UPF2: variants seen among roughly 807,000 people sequenced by gnomAD.
UPF2 encodes the protein UPF2 regulator of nonsense mediated mRNA decay, also known as regulator of nonsense transcripts 2.
UPF2 carries 17 observed loss-of-function variants against 141.4 expected under a neutral mutation model. That is an observed-to-expected ratio of 0.12 (90% CI 0.08 to 0.18). UPF2 has a LOEUF of 0.18. Ranked by LOEUF, UPF2 falls within the 10% of genes least tolerant of loss-of-function variation. The pLI is 1.00. For synonymous variants in UPF2, 540 were observed against 498.0 expected (o/e 1.08, Z -1.12); for missense variants, 1,152 against 1,515.9 (o/e 0.76, Z 3.99).
chr10:11,929,568 G>C (rs1332586397), intron 21 of UPF2, among the ~76,000 whole-genome samples: 1 of 152,002 alleles, frequency 6.6e-6, no homozygotes, highest in Non-Finnish European at 1.5e-5. Flanking sequence ...GCCCAGGAGG[G>C]TGAGGCTGTA....
chr10:11,994,144 GAATA>G (rs1325448513), intron 8 of UPF2, among the ~76,000 whole-genome samples: 1 of 152,010 alleles, frequency 6.6e-6, no homozygotes, highest in Non-Finnish European at 1.5e-5. Flanking sequence ...TCATTAAAGA[GAATA>G]AATAATAAAT....
At chr10:11,982,528 C>T (rs1833616052) in intron 8 of UPF2, among the ~76,000 whole-genome samples, 1 of 152,342 alleles carries the variant, frequency 6.6e-6, no homozygotes, top group South Asian at 2.1e-4. Context: ...TGTTTACTCC[C>T]TCCCTAAAGG....
intron 9 of UPF2, 32 bp from the exon 10 acceptor site, chr10:11,967,486 A>C: frequency 7.6e-7 from 1 of 1,318,224 alleles, no homozygotes; most frequent in South Asian, 1.4e-5. Context: ...ATAATGCTTA[A>C]TCAACATTTT....
rs141275078 is a variant in UPF2 at position 12,000,396 on chromosome 10, G to C, written c.1655-387C>G. On this transcript the variant is annotated intron_variant, in intron 6 of 21. Coordinates refer to ENST00000357604, the MANE Select transcript of UPF2 (RefSeq NM_015542.4). ...CCCTATTTCATGTAATTCTAAGGAGGGTGGCTGGTTTACATAGAGAAAGAA... is the reference window on the plus strand; with the variant it reads ...CCCTATTTCATGTAATTCTAAGGAGCGTGGCTGGTTTACATAGAGAAAGAA... Among the ~76,000 whole-genome samples, 183 of 152,216 alleles carry C rather than the reference G, an allele frequency of 1.2e-3. 1 individual carries two copies. The highest frequency in any genetic ancestry group is 1.9e-3 in the Non-Finnish European group (131 of 68,010).
chr10:12,041,386 C>T (rs1834731489), intron 1 of UPF2, among the ~76,000 whole-genome samples: 1 of 152,160 alleles, frequency 6.6e-6, no homozygotes, highest in South Asian at 2.1e-4. Context: ...TTAAAACCAC[C>T]TTCCTAGCTC....
rs752772818 is a variant in UPF2 at position 11,921,010 on chromosome 10, T to A, written c.*288A>T. ...TCTCCTTGGTGTAACTGCTCAGTAG[T>A]CAAGTGAACCATCTCATTTCTTGAC... On this transcript the variant is annotated 3_prime_UTR_variant, in exon 22 of 22. Transcript: ENST00000357604. The surrounding 1 kb of genome is among the most constrained non-coding windows in gnomAD (Gnocchi z 5.9). 1.5e-6 allele frequency: 1 copy of A among 659,832 alleles called. No homozygotes were observed. Among genetic ancestry groups the A allele is most frequent in the Non-Finnish European group, 2.9e-6 (1 of 342,106 alleles). The allele number at this position is 659,832 out of a possible 1,614,324, so 40.9% of individuals were successfully genotyped here.
At chr10:11,972,081 AAC>A (rs1554778301) in intron 9 of UPF2, among the ~76,000 whole-genome samples, 2 of 146,414 alleles carry the variant, frequency 1.4e-5, no homozygotes, top group African/African-American at 2.6e-5. Context: ...AAAAAAAAAA[AAC>A]ACACAAAAAA....
intron 8 of UPF2, among the ~76,000 whole-genome samples, chr10:11,991,626 G>C (rs186210384): frequency 6.6e-6 from 1 of 150,924 alleles, no homozygotes; most frequent in Non-Finnish European, 1.5e-5. Flanking sequence ...AATTTTAAGA[G>C]AGGAAAAAAA....
intron 9 of UPF2, among the ~76,000 whole-genome samples, chr10:11,972,739 T>C (rs1194321141): frequency 1.3e-5 from 2 of 152,226 alleles, no homozygotes; most frequent in East Asian, 1.9e-4. Flanking sequence ...TGCATAGTAT[T>C]CCATGGTGTA....
At position 11,930,005 on chromosome 10, in the gene UPF2, A is replaced by C; in HGVS notation, c.3689-20T>G. The C allele has an allele frequency of 6.2e-7, 1 of 1,614,054 alleles. No homozygotes were observed. Among genetic ancestry groups the C allele is most frequent in the Non-Finnish European group, 8.5e-7 (1 of 1,179,922 alleles). On this transcript the variant is annotated intron_variant, in intron 20 of 21. Coordinates refer to ENST00000357604, the MANE Select transcript of UPF2 (RefSeq NM_015542.4). ...ACATTTCTGTAATTAGGAGCAAAAA[A>C]AGAGAATGCTGTTAACTCTTAGAAA...
At chr10:12,034,700 G>A (rs1486278915) in intron 2 of UPF2, among the ~76,000 whole-genome samples, 1 of 152,012 alleles carries the variant, frequency 6.6e-6, no homozygotes, top group African/African-American at 2.4e-5. Flanking sequence ...AGCTACTCGG[G>A]AGGCTGAGGC....
intron 19 of UPF2, among the ~76,000 whole-genome samples, chr10:11,934,888 A>T (rs1276637446): frequency 2.6e-5 from 4 of 151,972 alleles, no homozygotes; most frequent in South Asian, 2.1e-4. Flanking sequence ...ATGCCCGGCC[A>T]CACACCACAA....
chr10:11,979,139 C>T lies in UPF2; in HGVS notation c.1871G>A (p.Arg624Lys). ...QRLDLLPFYA[R>K]LVATLHPCMS... ...GCAGGGATGCAATGTAGCAACCAAT[C>T]TTGCATAAAATGGTAGCAAATCCAA... The change falls in exon 9 of 22, where the codon AGA becomes AAA. Residue 624 changes from arginine to lysine, a missense_variant. Arg to Lys is a conservative substitution (Grantham distance 26). Around this residue, in one of 4 missense-constraint regions of UPF2, gnomAD observed 739 missense variants for 1,032.2 expected, o/e 0.72. Transcript: ENST00000357604. The surrounding 1 kb of genome is among the most constrained non-coding windows in gnomAD (Gnocchi z 6.2). The T allele has an allele frequency of 6.2e-7, 1 of 1,613,236 alleles. No individual in the cohort carries two copies. Among genetic ancestry groups the T allele is most frequent in the Non-Finnish European group, 8.5e-7 (1 of 1,179,444 alleles).
rs183066372 is a variant in UPF2, at chr10:12,029,609, A to G, written c.366-85T>C. On this transcript the variant is annotated intron_variant, in intron 2 of 21. Transcript: ENST00000357604. ...ATCCCCTAAGAGTAAAAAGCCAATG[A>G]AAAAAATTATCTAAGTATAACAATC... 335 of 1,384,926 alleles carry G rather than the reference A, an allele frequency of 2.4e-4. No individual in the cohort carries two copies. The African/African-American group carries it at 4.2e-3, about 17-fold the overall frequency. The allele number at this position is 1,384,926 out of a possible 1,614,324, so 85.8% of individuals were successfully genotyped here.
At position 11,952,113 on chromosome 10, in the gene UPF2, G is replaced by C; in HGVS notation, c.2987C>G (p.Ser996Cys). The change falls in exon 15 of 22, where the codon TCC becomes TGC. Residue 996 changes from serine (S) to cysteine (C), a missense_variant. Coordinates refer to ENST00000357604, the MANE Select transcript of UPF2 (RefSeq NM_015542.4). The part of the protein sequence containing the change: ...KIKLCNSLEE[S>C]IRQVQDLERE... ...TTCCAAGTCTTGTACCTGCCTGATGGATTCTTCCAGAGAATTACAGAGTTT... is the reference window on the plus strand; with the variant it reads ...TTCCAAGTCTTGTACCTGCCTGATGCATTCTTCCAGAGAATTACAGAGTTT... The C allele has an allele frequency of 6.2e-7, 1 of 1,614,050 alleles. No homozygotes were observed. Among genetic ancestry groups the C allele is most frequent in the Non-Finnish European group, 8.5e-7 (1 of 1,179,970 alleles).
rs187662423 is a variant in UPF2 at position 11,936,906 on chromosome 10, C to G, written c.3379-194G>C. Among the ~76,000 whole-genome samples, 157 of 152,376 alleles carry G rather than the reference C, an allele frequency of 1.0e-3. 1 individual carries two copies. Among genetic ancestry groups the G allele is most frequent in the African/African-American group, 3.6e-3 (148 of 41,592 alleles). On this transcript the variant is annotated intron_variant, in intron 18 of 21. Coordinates refer to ENST00000357604, the MANE Select transcript of UPF2 (RefSeq NM_015542.4). The surrounding 1 kb of genome is among the most constrained non-coding windows in gnomAD (Gnocchi z 6.6). Reference sequence around the variant, plus strand: ...AATCTAGGGAGTATTTCTCCCTCCACCTAACACCTCTGCCTATGACATGGA... The same window carrying G: ...AATCTAGGGAGTATTTCTCCCTCCAGCTAACACCTCTGCCTATGACATGGA...
At position 12,016,755 on chromosome 10, in the gene UPF2, G is replaced by GT. The variant is rs1834228041; in HGVS notation, c.1146-2572dup. The stretch of plus-strand genomic sequence containing the variant: ...CTGCAATGTAGGGCCGGGCACGGTG[G>GT]TTCACGCCTATAATCCCAGCACTTT... On this transcript the variant is annotated intron_variant, in intron 3 of 21. Coordinates refer to ENST00000357604, the MANE Select transcript of UPF2 (RefSeq NM_015542.4). The surrounding 1 kb of genome is among the most constrained non-coding windows in gnomAD (Gnocchi z 4.1). Among the ~76,000 whole-genome samples the GT allele has an allele frequency of 6.6e-6, 1 of 152,094 alleles. No homozygotes were observed. The highest frequency in any genetic ancestry group is 2.4e-5 in the African/African-American group (1 of 41,426).
chr10:11,933,814 GA>G (rs1373365243), intron 19 of UPF2, among the ~76,000 whole-genome samples: 1 of 152,038 alleles, frequency 6.6e-6, no homozygotes. Context: ...AGGGAGGAAG[GA>G]AAAAAACTCA....
intron 2 of UPF2, among the ~76,000 whole-genome samples, chr10:12,034,721 C>A (rs1213953301): frequency 6.6e-6 from 1 of 152,070 alleles, no homozygotes; most frequent in Non-Finnish European, 1.5e-5. Context: ...AGGAGAATCA[C>A]TTGAACCCAG....
Sources: gnomAD v4.1 joint callset for allele counts (sites outside exome capture counted in the v4.1 genomes callset) on GRCh38, gnomAD v4.1.1 for gene constraint, gnomAD v4.1.1 regional missense constraint, Gnocchi (gnomAD v3.1) non-coding constraint, MANE v1.5 for transcripts, NCBI Gene and HGNC (gene_info 2026-07-23, HGNC 2026-07-21) for gene names.